Variants in SORCS2 observed in about 807,000 individuals in gnomAD.
SORCS2 encodes the protein sortilin related VPS10 domain containing receptor 2.
A neutral mutation model predicts 141.6 loss-of-function variants in SORCS2; 100 were observed. That is an observed-to-expected ratio of 0.71 (90% CI 0.60 to 0.83). The LOEUF is 0.83. SORCS2 is among the 40% of genes least tolerant of loss of function. The pLI is 0.00. For missense variants in SORCS2, 1,646 were observed against 1,560.2 expected, an observed-to-expected ratio of 1.05 and a Z score of -0.93; for synonymous variants, 789 against 676.9, an observed-to-expected ratio of 1.17 and a Z score of -2.57.
chr4:7,330,871 G>A (rs1386639278), intron 1 of SORCS2, among the ~76,000 whole-genome samples: 4 of 152,104 alleles, frequency 2.6e-5, no homozygotes, highest in East Asian at 2.0e-4. Context: ...TTCCACAGAC[G>A]TGGACTCGCG....
Position 7,192,971 on chromosome 4 carries a change from G to GC in SORCS2, c.330dup (p.Ala111ArgfsTer116). 1.4e-6 allele frequency: 2 copies of GC among 1,380,728 alleles called. No individual in the cohort carries two copies. Among genetic ancestry groups the GC allele is most frequent in the Non-Finnish European group, 1.9e-6 (2 of 1,076,598 alleles). 85.5% of individuals were successfully genotyped at this position (1,380,728 alleles called of 1,614,324 possible). A position where few individuals can be genotyped will look rare whatever the true frequency, so the allele number is the denominator to read the frequency against. ...CGCTCCTGGTCCCGGCGAGGACGGC[G>GC]CCCCCGCCGCGGGCTACCGGCGCTG... On this transcript the variant is annotated frameshift_variant, in exon 1 of 27. Transcript: ENST00000507866. LOFTEE classifies it high-confidence loss of function. This position sits in a 1 kb window ranked among gnomAD's most constrained non-coding sequence, Gnocchi z 4.0.
intron 11 of SORCS2, among the ~76,000 whole-genome samples, chr4:7,695,516 GTGGGTGAGTGGA>G (rs1724570846): frequency 3.1e-5 from 1 of 32,688 alleles, no homozygotes; most frequent in Non-Finnish European, 5.6e-5. Flanking sequence ...GGATGGGTGG[GTGGGTGAGTGGA>G]TGGGTGGGTG....
chr4:7,691,512 T>C (rs990170488), intron 11 of SORCS2, among the ~76,000 whole-genome samples: 7 of 152,008 alleles, frequency 4.6e-5, no homozygotes, highest in African/African-American at 1.7e-4. Context: ...AGGGAGGGGA[T>C]TGTGAACAAA....
At chr4:7,729,926 G>A (rs916518372) in intron 23 of SORCS2, among the ~76,000 whole-genome samples, 5 of 152,092 alleles carry the variant, frequency 3.3e-5, no homozygotes, top group Non-Finnish European at 4.4e-5. Context: ...AGAGGTAGTC[G>A]GGGGGAGGGC....
chr4:7,562,539 G>T lies in SORCS2; in HGVS notation c.648+30910G>T, dbSNP rs142876036. Among the ~76,000 whole-genome samples, 615 of 152,288 alleles carry T rather than the reference G, an allele frequency of 4.0e-3. 2 individuals are homozygous for T. Among genetic ancestry groups the T allele is most frequent in the African/African-American group, 0.014 (596 of 41,544 alleles). On this transcript the variant is annotated intron_variant, in intron 3 of 26. Transcript: ENST00000507866. ...CATACTTTAAGCTTTAGGGGCATAC[G>T]CTGTCTCTGTTGCATGTTCTACTTG...
intron 1 of SORCS2, among the ~76,000 whole-genome samples, chr4:7,302,147 G>C (rs1050560301): frequency 4.6e-5 from 7 of 152,236 alleles, no homozygotes; most frequent in Admixed American, 3.9e-4. Context: ...TCTCATCCGT[G>C]ATACCTGAGC....
intron 3 of SORCS2, among the ~76,000 whole-genome samples, chr4:7,560,633 T>C (rs1475260359): frequency 6.6e-6 from 1 of 152,008 alleles, no homozygotes; most frequent in Non-Finnish European, 1.5e-5. Flanking sequence ...TGAAGGACAG[T>C]AAAGAAATAG....
intron 1 of SORCS2, among the ~76,000 whole-genome samples, chr4:7,382,587 G>C (rs1723055280): frequency 6.6e-6 from 1 of 152,186 alleles, no homozygotes; most frequent in African/African-American, 2.4e-5. Flanking sequence ...AAATGATGCT[G>C]ACATGCCTGT....
At chr4:7,639,853 G>A (rs1389527577) in intron 4 of SORCS2, among the ~76,000 whole-genome samples, 2 of 148,612 alleles carry the variant, frequency 1.3e-5, no homozygotes, top group African/African-American at 4.9e-5. Context: ...GTGGGTGTGA[G>A]GGTGTGTGTG....
intron 2 of SORCS2, among the ~76,000 whole-genome samples, chr4:7,442,889 T>A (rs146282724): frequency 1.7e-4 from 26 of 151,804 alleles, no homozygotes; most frequent in Admixed American, 1.1e-3. Flanking sequence ...AAAATCAGAG[T>A]GTTGGCGGGG....
intron 2 of SORCS2, among the ~76,000 whole-genome samples, chr4:7,398,618 A>G (rs922776160): frequency 6.6e-6 from 1 of 152,342 alleles, no homozygotes; most frequent in South Asian, 2.1e-4. Context: ...TGTTTATATT[A>G]TCTTTTCTGA....
At chr4:7,395,381 CGG>C (rs1219021835) in intron 1 of SORCS2, among the ~76,000 whole-genome samples, 1 of 152,180 alleles carries the variant, frequency 6.6e-6, no homozygotes, top group Admixed American at 6.5e-5. Context: ...TCTTACCTCC[CGG>C]GGGCTACCCT....
At chr4:7,579,795 G>A (rs1294431542) in intron 3 of SORCS2, among the ~76,000 whole-genome samples, 1 of 152,116 alleles carries the variant, frequency 6.6e-6, no homozygotes, top group Non-Finnish European at 1.5e-5. Context: ...TGCACATCTG[G>A]GGCTCCTAGC....
At chr4:7,579,788 A>G (rs561001040) in intron 3 of SORCS2, among the ~76,000 whole-genome samples, 1 of 152,258 alleles carries the variant, frequency 6.6e-6, no homozygotes, top group South Asian at 2.1e-4. Context: ...AAACCTATGC[A>G]CATCTGGGGC....
chr4:7,244,213 C>T (rs747710351), intron 1 of SORCS2, among the ~76,000 whole-genome samples: 7 of 152,224 alleles, frequency 4.6e-5, no homozygotes, highest in Non-Finnish European at 7.3e-5. Context: ...CTGACAACTC[C>T]CAGCTTGGCT....
At chr4:7,213,762 C>G (rs974167010) in intron 1 of SORCS2, among the ~76,000 whole-genome samples, 3 of 152,206 alleles carry the variant, frequency 2.0e-5, no homozygotes, top group Non-Finnish European at 4.4e-5. Flanking sequence ...TATTCTCAGG[C>G]CAGTCCCCTT....
At chr4:7,526,474 C>T (rs999202234) in intron 2 of SORCS2, among the ~76,000 whole-genome samples, 9 of 152,174 alleles carry the variant, frequency 5.9e-5, no homozygotes, top group Non-Finnish European at 7.3e-5. Context: ...GTAACTATGA[C>T]GATGATAAAA....
chr4:7,463,167 C>T (rs941946911), intron 2 of SORCS2, among the ~76,000 whole-genome samples: 20 of 152,276 alleles, frequency 1.3e-4, no homozygotes, highest in African/African-American at 4.8e-4. Context: ...GCCCCGAAGC[C>T]TGGTGCTGAC....
At chr4:7,528,408 T>TG (rs1733832959) in intron 2 of SORCS2, among the ~76,000 whole-genome samples, 4 of 150,404 alleles carry the variant, frequency 2.7e-5, no homozygotes, top group Admixed American at 2.0e-4. Flanking sequence ...CTACGTTTTT[T>TG]TTTTTGTTGT....
Sources: gnomAD v4.1 joint callset for allele counts (sites outside exome capture counted in the v4.1 genomes callset) on GRCh38, gnomAD v4.1.1 for gene constraint, Gnocchi (gnomAD v3.1) non-coding constraint, MANE v1.5 for transcripts, NCBI Gene and HGNC (gene_info 2026-07-23, HGNC 2026-07-21) for gene names.